The following TRAPPC9 variants were observed in gnomAD, a reference collection of about 807,000 sequenced individuals.
TRAPPC9 encodes the protein trafficking protein particle complex subunit 9, also known as IKK2 binding protein.
A neutral mutation model predicts 124.0 loss-of-function variants in TRAPPC9; 83 were observed. The ratio of observed to expected loss-of-function variants is 0.67; its 90% CI spans 0.56 to 0.80. The LOEUF (loss-of-function observed/expected upper bound fraction) is 0.80, where lower values mean the gene tolerates loss of function less well. Ranked by LOEUF, TRAPPC9 falls within the 30% of genes least tolerant of loss-of-function variation. The pLI is 0.00. For synonymous variants in TRAPPC9, 638 were observed against 617.5 expected, an observed-to-expected ratio of 1.03 and a Z score of -0.49; for missense variants, 1,302 against 1,508.3, an observed-to-expected ratio of 0.86 and a Z score of 2.27.
intron 17 of TRAPPC9, among the ~76,000 whole-genome samples, chr8:140,166,722 G>C (rs1337273118): frequency 6.6e-6 from 1 of 152,196 alleles, no homozygotes; most frequent in Non-Finnish European, 1.5e-5. Flanking sequence ...CTGCGGAATG[G>C]GAGTGCTGGT....
intron 17 of TRAPPC9, among the ~76,000 whole-genome samples, chr8:140,118,991 C>T (rs1033350468): frequency 6.6e-6 from 1 of 152,226 alleles, no homozygotes; most frequent in Non-Finnish European, 1.5e-5. Flanking sequence ...TGTTAACTAC[C>T]GTCAAGGGTC....
chr8:140,158,523 C>T (rs2130874919), intron 17 of TRAPPC9, among the ~76,000 whole-genome samples: 1 of 152,272 alleles, frequency 6.6e-6, no homozygotes, highest in Middle Eastern at 3.4e-3. Flanking sequence ...CTCTGGCCTC[C>T]AAAACTGCAA....
intron 21 of TRAPPC9, among the ~76,000 whole-genome samples, chr8:139,818,243 C>G (rs1210939311): frequency 6.6e-6 from 1 of 152,146 alleles, no homozygotes; most frequent in African/African-American, 2.4e-5. Context: ...TGATCCCTCC[C>G]TCAGGGGTGG....
intron 20 of TRAPPC9, among the ~76,000 whole-genome samples, chr8:139,896,070 G>A (rs1830649407): frequency 6.6e-6 from 1 of 152,210 alleles, no homozygotes; most frequent in South Asian, 2.1e-4. Flanking sequence ...TCGGACATGA[G>A]CCATAAAATT....
chr8:140,311,368 T>C lies in TRAPPC9; in HGVS notation c.1502A>G (p.Lys501Arg). ...MLDFLSDQEK[K>R]DVAQSLENYT... The stretch of plus-strand genomic sequence containing the variant: ...GTTCTCTAGGCTTTGGGCCACATCT[T>C]TCTTTTCTGAAGAGAAGATGAAAAC... The change falls in exon 10 of 23, where the codon AAA (lysine) becomes AGA (arginine). Residue 501 changes from lysine (K) to arginine (R), a missense_variant. By Grantham distance (26) the Lys-to-Arg change is conservative (BLOSUM62 2). Transcript: ENST00000438773. 1 of 1,613,840 alleles carries C rather than the reference T, an allele frequency of 6.2e-7. No homozygotes were observed. The highest frequency in any genetic ancestry group is 8.5e-7 in the Non-Finnish European group (1 of 1,179,992).
chr8:140,119,669 A>T (rs150745117), intron 17 of TRAPPC9, among the ~76,000 whole-genome samples: 2 of 152,356 alleles, frequency 1.3e-5, no homozygotes, highest in African/African-American at 4.8e-5. Flanking sequence ...TTAAAAACTG[A>T]GGTAAGAAGA....
chr8:140,316,739 G>C (rs1006167423), intron 9 of TRAPPC9, among the ~76,000 whole-genome samples: 5 of 152,082 alleles, frequency 3.3e-5, no homozygotes, highest in African/African-American at 4.8e-5. Flanking sequence ...TCTTTCTCTG[G>C]TTTTAGTATA....
In TRAPPC9 at chr8:139,961,934, A is replaced by T. The variant is rs1482625673; in HGVS notation, c.2810+26792T>A. Among the ~76,000 whole-genome samples, 2 of 122,908 alleles carry T rather than the reference A, an allele frequency of 1.6e-5. 1 individual carries two copies. Among genetic ancestry groups the T allele is most frequent in the Non-Finnish European group, 3.9e-5 (2 of 51,488 alleles). 80.6% of individuals were successfully genotyped at this position (122,908 alleles called of 152,430 possible). A position where few individuals can be genotyped will look rare whatever the true frequency, so the allele number is the denominator to read the frequency against. On this transcript the variant is annotated intron_variant, in intron 19 of 22. Coordinates refer to ENST00000438773, the MANE Select transcript of TRAPPC9 (RefSeq NM_001160372.4). ...GGATGACCAGCTGCAGAGACAAATA[A>T]CCCCTCTGCTGATAGCTGGAGATGA... is the stretch of plus-strand genomic sequence containing the variant.
chr8:140,303,637 C>T (rs1407803259), intron 10 of TRAPPC9, among the ~76,000 whole-genome samples: 4 of 152,170 alleles, frequency 2.6e-5, no homozygotes, highest in East Asian at 3.9e-4. Context: ...GCCAAAAGCG[C>T]GTCTTAGGCA....
At chr8:140,386,420 T>C (rs553538023) in intron 7 of TRAPPC9, among the ~76,000 whole-genome samples, 10 of 152,328 alleles carry the variant, frequency 6.6e-5, no homozygotes, top group East Asian at 1.9e-4. Context: ...GAAAACCTCA[T>C]TGTCTCAGCC....
intron 16 of TRAPPC9, among the ~76,000 whole-genome samples, chr8:140,230,908 G>C (rs1328486808): frequency 6.6e-6 from 1 of 152,198 alleles, no homozygotes; most frequent in Non-Finnish European, 1.5e-5. Context: ...ATCAAGAGAA[G>C]TGGAAACTGT....
intron 21 of TRAPPC9, among the ~76,000 whole-genome samples, chr8:139,778,161 TCAAA>T (rs950109386): frequency 6.6e-6 from 1 of 151,962 alleles, no homozygotes; most frequent in African/African-American, 2.4e-5. Flanking sequence ...TTCCCATCAG[TCAAA>T]CACACACACA....
rs1232072570 is a variant in TRAPPC9, at chr8:140,353,480, T to C, written c.1495+6570A>G. On this transcript the variant is annotated intron_variant, in intron 9 of 22. Coordinates refer to ENST00000438773, the MANE Select transcript of TRAPPC9 (RefSeq NM_001160372.4). The surrounding 1 kb of genome is among the most constrained non-coding windows in gnomAD (Gnocchi z 4.2). ...ACCTTACTCGCTCACCTGGGGCTTT[T>C]GATCCCAGTCCCTGAAACAGTTTAC... is the stretch of plus-strand genomic sequence containing the variant. Among the ~76,000 whole-genome samples, 1 of 152,258 alleles carries C rather than the reference T, an allele frequency of 6.6e-6. No individual in the cohort carries two copies. Among genetic ancestry groups the C allele is most frequent in the Non-Finnish European group, 1.5e-5 (1 of 68,042 alleles).
intron 21 of TRAPPC9, among the ~76,000 whole-genome samples, chr8:139,786,521 T>C (rs1822265214): frequency 6.6e-6 from 1 of 150,988 alleles, no homozygotes; most frequent in Non-Finnish European, 1.5e-5. Flanking sequence ...AAAAAAAAAA[T>C]ACAACTACCA....
At chr8:139,758,841 G>C (rs1246255104) in intron 21 of TRAPPC9, among the ~76,000 whole-genome samples, 2 of 152,202 alleles carry the variant, frequency 1.3e-5, no homozygotes, top group African/African-American at 4.8e-5. Flanking sequence ...CCAAGTCCCA[G>C]GTGGTGAGGC....
chr8:139,785,537 AACACACAC>A (rs57202244), intron 21 of TRAPPC9, among the ~76,000 whole-genome samples: 4,623 of 138,268 alleles, frequency 0.033, 262 homozygotes, highest in African/African-American at 0.11. Context: ...ATCTCTACTA[AACACACAC>A]ACACACACAC....
upstream of TRAPPC9, chr8:140,458,255 G>A (rs2071774488): frequency 5.8e-6 from 9 of 1,551,646 alleles, no homozygotes; most frequent in Non-Finnish European, 7.8e-6. Flanking sequence ...GCTGGAAGGA[G>A]GCCCAGTTCT....
Position 139,730,908 on chromosome 8 carries a change from G to A in TRAPPC9, c.*153C>T. On this transcript the variant is annotated 3_prime_UTR_variant, in exon 23 of 23. Coordinates refer to ENST00000438773, the MANE Select transcript of TRAPPC9 (RefSeq NM_001160372.4). Reference sequence around the variant, plus strand: ...GGCTTCTGCGTAGCCCAGCAAAGATGCTACAGGAGGAACAGGAGGAGAGGG... The same window carrying A: ...GGCTTCTGCGTAGCCCAGCAAAGATACTACAGGAGGAACAGGAGGAGAGGG... 3.6e-6 allele frequency: 3 copies of A among 836,926 alleles called. No individual in the cohort carries two copies. The South Asian group carries it at 5.2e-5, about 14-fold the overall frequency. 51.8% of individuals were successfully genotyped at this position (836,926 alleles called of 1,614,324 possible).
At chr8:140,047,375 G>A (rs565970752) in intron 17 of TRAPPC9, among the ~76,000 whole-genome samples, 2 of 152,354 alleles carry the variant, frequency 1.3e-5, no homozygotes, top group African/African-American at 2.4e-5. Flanking sequence ...CTAAGAGCCC[G>A]AATGCGAAGG....
Sources: allele counts gnomAD v4.1 joint callset (sites outside exome capture counted in the v4.1 genomes callset), GRCh38; gene constraint gnomAD v4.1.1; non-coding constraint Gnocchi (gnomAD v3.1); transcripts MANE v1.5; gene names NCBI Gene and HGNC (gene_info 2026-07-23, HGNC 2026-07-21).